Variants in DEFB106A observed in about 807,000 individuals in gnomAD.
DEFB106A encodes the protein beta-defensin 106.
For synonymous variants in DEFB106A, 1 was observed against 22.5 expected, an observed-to-expected ratio of 0.04 and a Z score of 2.70; for missense variants, 4 against 63.7, an observed-to-expected ratio of 0.06 and a Z score of 3.19.
chr8:7,827,696 A>G (rs1381292548), intron 1 of DEFB106A, among the ~76,000 whole-genome samples: 8 of 134,816 alleles, frequency 5.9e-5, no homozygotes, highest in African/African-American at 2.0e-4. Flanking sequence ...AGTATATACT[A>G]TAATACTAGT....
chr8:7,826,325 G>A (rs1221795922), intron 1 of DEFB106A, among the ~76,000 whole-genome samples: 2 of 150,390 alleles, frequency 1.3e-5, no homozygotes, highest in African/African-American at 4.9e-5. Context: ...TATATAATAA[G>A]TCAAAAAAAA....
chr8:7,827,753 A>G (rs1202560914), intron 1 of DEFB106A, among the ~76,000 whole-genome samples: 1 of 138,906 alleles, frequency 7.2e-6, no homozygotes, highest in East Asian at 2.1e-4. Flanking sequence ...ATACTAAACC[A>G]AAAAGATTTT....
intron 1 of DEFB106A, among the ~76,000 whole-genome samples, chr8:7,827,761 T>C (rs1331539563): frequency 1.4e-5 from 2 of 139,074 alleles, no homozygotes; most frequent in African/African-American, 5.0e-5. Context: ...CCAAAAAGAT[T>C]TTATCTGAAT....
At chr8:7,826,693 G>C (rs894442208) in intron 1 of DEFB106A, among the ~76,000 whole-genome samples, 10 of 110,240 alleles carry the variant, frequency 9.1e-5, no homozygotes, top group Non-Finnish European at 1.6e-4. Flanking sequence ...TTTTGAGATA[G>C]AGTCTCACTC....
chr8:7,827,688 T>C (rs1817456784), intron 1 of DEFB106A, among the ~76,000 whole-genome samples: 1 of 134,286 alleles, frequency 7.4e-6, no homozygotes, highest in East Asian at 2.2e-4. Context: ...ATTATACCAG[T>C]ATATACTATA....
intron 1 of DEFB106A, among the ~76,000 whole-genome samples, chr8:7,827,851 T>C (rs1241255708): frequency 7.1e-6 from 1 of 141,378 alleles, no homozygotes; most frequent in African/African-American, 2.5e-5. Context: ...CCCCTGCCAG[T>C]GAGAGCCAGA....
chr8:7,827,382 C>A, intron 1 of DEFB106A, among the ~76,000 whole-genome samples: 2 of 121,406 alleles, frequency 1.6e-5, no homozygotes, highest in Non-Finnish European at 1.7e-5. Flanking sequence ...GTATAATACA[C>A]TAATATATAG....
intron 1 of DEFB106A, among the ~76,000 whole-genome samples, chr8:7,826,890 G>C (rs1290279828): frequency 2.4e-5 from 3 of 124,886 alleles, no homozygotes; most frequent in African/African-American, 8.1e-5. Context: ...GCCTGGTCTC[G>C]AACTCCTGAC....
chr8:7,827,741 C>T (rs1216255044), intron 1 of DEFB106A, among the ~76,000 whole-genome samples: 2 of 138,202 alleles, frequency 1.4e-5, no homozygotes, highest in African/African-American at 5.0e-5. Context: ...TACTATGATA[C>T]TATACTAAAC....
intron 1 of DEFB106A, among the ~76,000 whole-genome samples, chr8:7,827,379 AC>A (rs1221903993): frequency 0.015 from 1,814 of 122,764 alleles, 7 homozygotes; most frequent in African/African-American, 0.054. Flanking sequence ...CTAGTATAAT[AC>A]ACTAATATAT....
At chr8:7,827,394 A>T (rs1160919850) in intron 1 of DEFB106A, among the ~76,000 whole-genome samples, 1 of 58,602 alleles carries the variant, frequency 1.7e-5, no homozygotes, top group Admixed American at 1.9e-4. Context: ...AATATATAGT[A>T]TAGTGTATAT....
At chr8:7,827,689 A>T (rs1338626351) in intron 1 of DEFB106A, among the ~76,000 whole-genome samples, 1 of 134,356 alleles carries the variant, frequency 7.4e-6, no homozygotes, top group South Asian at 2.7e-4. Context: ...TTATACCAGT[A>T]TATACTATAA....
At chr8:7,826,303 A>C (rs1388484998) in intron 1 of DEFB106A, among the ~76,000 whole-genome samples, 165 of 150,314 alleles carry the variant, frequency 1.1e-3, no homozygotes, top group African/African-American at 4.0e-3. Flanking sequence ...TTTTCAGATC[A>C]CTCATACTTA....
intron 1 of DEFB106A, among the ~76,000 whole-genome samples, chr8:7,827,566 A>G (rs1337369804): frequency 8.2e-6 from 1 of 121,916 alleles, no homozygotes; most frequent in South Asian, 3.2e-4. Flanking sequence ...ATAATACACT[A>G]GTATATAGTA....
At chr8:7,827,553 A>G (rs1342614185) in intron 1 of DEFB106A, among the ~76,000 whole-genome samples, 1 of 121,048 alleles carries the variant, frequency 8.3e-6, no homozygotes, top group African/African-American at 2.8e-5. Context: ...TGTACATACT[A>G]GTATAATACA....
intron 1 of DEFB106A, among the ~76,000 whole-genome samples, chr8:7,827,515 T>C (rs1298744132): frequency 1.7e-5 from 2 of 116,762 alleles, no homozygotes; most frequent in African/African-American, 5.8e-5. Context: ...TTATTACTAG[T>C]AGTATTATAT....
At chr8:7,827,456 ATATAG>A (rs1290465890) in intron 1 of DEFB106A, among the ~76,000 whole-genome samples, 1,597 of 107,514 alleles carry the variant, frequency 0.015, no homozygotes, top group Non-Finnish European at 0.019. Context: ...ATACTCTAGT[ATATAG>A]TATAGTATAT....
In DEFB106A at chr8:7,827,686, A is replaced by T. The variant is rs1314734427; in HGVS notation, c.50-1119A>T. On this transcript the variant is annotated intron_variant, in intron 1 of 1. Transcript: ENST00000335186. Reference sequence around the variant, plus strand: ...ATACTATAGTATACACTATTATACCAGTATATACTATAATACTAGTATTTT... The same window carrying T: ...ATACTATAGTATACACTATTATACCTGTATATACTATAATACTAGTATTTT... Among the ~76,000 whole-genome samples, 85 of 134,142 alleles carry T rather than the reference A, an allele frequency of 6.3e-4. 3 individuals are homozygous for T. The highest frequency in any genetic ancestry group is 2.1e-3 in the African/African-American group (80 of 38,998). The allele number at this position is 134,142 out of a possible 152,430, so 88.0% of individuals were successfully genotyped here.
intron 1 of DEFB106A, among the ~76,000 whole-genome samples, chr8:7,826,327 CAAA>C (rs1162021020): frequency 3.3e-5 from 5 of 149,430 alleles, no homozygotes; most frequent in Admixed American, 2.7e-4. Context: ...TATAATAAGT[CAAA>C]AAAAAGATGT....
Sources: gnomAD v4.1 joint callset for allele counts (sites outside exome capture counted in the v4.1 genomes callset) on GRCh38, gnomAD v4.1.1 for gene constraint, MANE v1.5 for transcripts, NCBI Gene and HGNC (gene_info 2026-07-23, HGNC 2026-07-21) for gene names.